TESC: variants seen among roughly 807,000 people sequenced by gnomAD.
The protein encoded by TESC is tescalcin, also known as calcineurin B homologous protein 3.
Under a neutral mutation model 31.0 loss-of-function variants are expected in TESC, and 19 were observed. The observed-to-expected ratio is 0.61, with a 90% CI of 0.43 to 0.90. The LOEUF (loss-of-function observed/expected upper bound fraction) is 0.90. Ranked by LOEUF, TESC falls within the 40% of genes least tolerant of loss-of-function variation. The pLI is 0.00. For missense variants in TESC, 248 were observed against 303.8 expected, an observed-to-expected ratio of 0.82 and a Z score of 1.36; for synonymous variants, 109 against 114.8, an observed-to-expected ratio of 0.95 and a Z score of 0.32.
intron 1 of TESC, among the ~76,000 whole-genome samples, chr12:117,096,914 TCTTA>T (rs1409676173): frequency 6.6e-6 from 1 of 152,168 alleles, no homozygotes; most frequent in African/African-American, 2.4e-5. Flanking sequence ...CCTGGCTCAT[TCTTA>T]CTTGGATTTC....
intron 4 of TESC, among the ~76,000 whole-genome samples, chr12:117,047,280 A>C (rs949842044): frequency 6.6e-6 from 1 of 152,308 alleles, no homozygotes; most frequent in South Asian, 2.1e-4. Context: ...AGTGCTTCTG[A>C]TCTGGGCCCG....
intron 2 of TESC, among the ~76,000 whole-genome samples, chr12:117,070,161 A>C (rs998406343): frequency 5.9e-5 from 9 of 152,240 alleles, no homozygotes; most frequent in African/African-American, 1.9e-4. Flanking sequence ...AGGATCTGAG[A>C]GGTTGAAGAC....
intron 3 of TESC, among the ~76,000 whole-genome samples, chr12:117,054,328 C>T (rs1384282817): frequency 6.6e-6 from 1 of 152,010 alleles, no homozygotes; most frequent in African/African-American, 2.4e-5. Context: ...CACACCCTCA[C>T]CTTAAAGTCC....
At chr12:117,086,630 G>T (rs1955223372) in intron 1 of TESC, among the ~76,000 whole-genome samples, 1 of 151,668 alleles carries the variant, frequency 6.6e-6, no homozygotes, top group South Asian at 2.1e-4. Flanking sequence ...TAGAGACAGG[G>T]TCTTGCTATG....
At chr12:117,058,055 A>G (rs1169671129) in intron 2 of TESC, among the ~76,000 whole-genome samples, 1 of 152,088 alleles carries the variant, frequency 6.6e-6, no homozygotes, top group African/African-American at 2.4e-5. Context: ...CCCCATCTCT[A>G]CTAAAAATAC....
At chr12:117,077,831 A>G (rs1955093960) in intron 1 of TESC, among the ~76,000 whole-genome samples, 1 of 152,152 alleles carries the variant, frequency 6.6e-6, no homozygotes, top group Non-Finnish European at 1.5e-5. Flanking sequence ...TCTGGGTACT[A>G]GGAATGTTCC....
At chr12:117,043,268 G>A (rs777836109) in intron 6 of TESC, among the ~76,000 whole-genome samples, 1 of 152,024 alleles carries the variant, frequency 6.6e-6, no homozygotes, top group Non-Finnish European at 1.5e-5. Context: ...AAAAACCACC[G>A]AGAGGGAGTC....
intron 2 of TESC, among the ~76,000 whole-genome samples, chr12:117,067,121 T>A (rs761234138): frequency 5.9e-5 from 9 of 152,140 alleles, no homozygotes; most frequent in Non-Finnish European, 1.2e-4. Flanking sequence ...GTAGCAGGTT[T>A]TCCTCTTTAA....
At chr12:117,067,669 C>A in intron 2 of TESC, among the ~76,000 whole-genome samples, 1 of 152,246 alleles carries the variant, frequency 6.6e-6, no homozygotes, top group Admixed American at 6.5e-5. Context: ...AGCAACATCA[C>A]TGCAGTGGTT....
At chr12:117,054,599 C>T (rs959443717) in intron 3 of TESC, among the ~76,000 whole-genome samples, 61 of 152,136 alleles carry the variant, frequency 4.0e-4, no homozygotes, top group African/African-American at 1.4e-3. Flanking sequence ...CAGAGGAAGG[C>T]CCCTGCAACT....
intron 1 of TESC, among the ~76,000 whole-genome samples, chr12:117,092,644 C>T (rs1222461219): frequency 1.3e-5 from 2 of 152,152 alleles, no homozygotes; most frequent in African/African-American, 2.4e-5. Flanking sequence ...CCTGGTTTCA[C>T]GGACACATTC....
intron 1 of TESC, among the ~76,000 whole-genome samples, chr12:117,075,851 A>ATATATATATATGTG (rs1565971313): frequency 3.3e-3 from 176 of 53,730 alleles, no homozygotes; most frequent in Non-Finnish European, 4.7e-3. Context: ...GTGTGTGTAT[A>ATATATATATATGTG]TATATATATA....
intron 1 of TESC, among the ~76,000 whole-genome samples, chr12:117,086,748 AATTT>A (rs1352600419): frequency 2.0e-5 from 3 of 152,142 alleles, no homozygotes; most frequent in Admixed American, 2.0e-4. Context: ...TAAAATGGTA[AATTT>A]TATATTACAT....
chr12:117,073,643 T>G (rs559161906), intron 2 of TESC, among the ~76,000 whole-genome samples: 2 of 152,314 alleles, frequency 1.3e-5, no homozygotes, highest in South Asian at 2.1e-4. Flanking sequence ...TGTTTCAAAG[T>G]TCCAACAAGC....
chr12:117,069,295 A>AGT (rs1954932561), intron 2 of TESC, among the ~76,000 whole-genome samples: 1 of 152,156 alleles, frequency 6.6e-6, no homozygotes, highest in Non-Finnish European at 1.5e-5. Context: ...GCTGCAGTGC[A>AGT]GTGTCATGAT....
intron 1 of TESC, among the ~76,000 whole-genome samples, chr12:117,076,839 T>C (rs1955080833): frequency 6.6e-6 from 1 of 152,202 alleles, no homozygotes; most frequent in Non-Finnish European, 1.5e-5. Context: ...TCCAAGTCTG[T>C]GCGACTGACC....
At chr12:117,048,869 A>T in intron 4 of TESC, 150 bp downstream of exon 4, 1 of 1,238,906 alleles carries the variant, frequency 8.1e-7, no homozygotes, top group South Asian at 1.3e-5. Flanking sequence ...TGCCAGCCTC[A>T]CAGGGACGAG....
intron 6 of TESC, among the ~76,000 whole-genome samples, chr12:117,043,626 C>A (rs1430228407): frequency 6.6e-6 from 1 of 152,088 alleles, no homozygotes; most frequent in East Asian, 1.9e-4. Flanking sequence ...CCATGCGTGG[C>A]TAATTTTTTA....
At chr12:117,074,748 C>A (rs1419151580) in intron 2 of TESC, among the ~76,000 whole-genome samples, 1 of 152,198 alleles carries the variant, frequency 6.6e-6, no homozygotes, top group African/African-American at 2.4e-5. Context: ...GGCTGAAGAG[C>A]CCTTCCTCGC....
Sources: allele counts gnomAD v4.1 joint callset (sites outside exome capture counted in the v4.1 genomes callset), GRCh38; gene constraint gnomAD v4.1.1; transcripts MANE v1.5; gene names NCBI Gene and HGNC (gene_info 2026-07-23, HGNC 2026-07-21).